The following ACSM3 variants were observed in gnomAD, a reference collection of about 807,000 sequenced individuals.
ACSM3 encodes the protein acyl-CoA synthetase medium chain family member 3, also known as acyl-coenzyme A synthetase ACSM3, mitochondrial.
A neutral mutation model predicts 74.1 loss-of-function variants in ACSM3; 61 were observed. The ratio of observed to expected loss-of-function variants is 0.82; its 90% CI spans 0.67 to 1.02. ACSM3 has a LOEUF of 1.02. Among genes scored for constraint, ACSM3 ranks in the 50% least tolerant of loss-of-function variants. ACSM3 has a pLI of 0.00. For missense variants in ACSM3, 660 were observed against 697.0 expected (o/e 0.95, Z 0.60); for synonymous variants, 213 against 241.5 (o/e 0.88, Z 1.09).
chr16:20,691,371 T>G, intron 1 of ACSM3: 1 of 521,826 alleles, frequency 1.9e-6, no homozygotes, highest in East Asian at 3.5e-5. Context: ...CACCCCTGAT[T>G]GATTTTGGTG....
chr16:20,760,700 C>T (rs571882622), upstream of ACSM3, among the ~76,000 whole-genome samples: 2 of 152,088 alleles, frequency 1.3e-5, no homozygotes, highest in East Asian at 3.9e-4. Flanking sequence ...TCTCTTTTAA[C>T]TTAAGTATAA....
chr16:20,754,154 T>C (rs2080010825), intron 2 of ACSM3, among the ~76,000 whole-genome samples: 1 of 152,182 alleles, frequency 6.6e-6, no homozygotes, highest in African/African-American at 2.4e-5. Flanking sequence ...CATTCTCTTC[T>C]GGCTTTTCTC....
chr16:20,787,983 TGTG>T (rs1187975222), intron 9 of ACSM3, among the ~76,000 whole-genome samples: 5 of 152,214 alleles, frequency 3.3e-5, no homozygotes, highest in African/African-American at 1.2e-4. Flanking sequence ...ATAGGTTTCT[TGTG>T]GTGATTAAAG....
At chr16:20,702,112 C>A (rs1281444730) in intron 1 of ACSM3, among the ~76,000 whole-genome samples, 1 of 152,146 alleles carries the variant, frequency 6.6e-6, no homozygotes, top group Non-Finnish European at 1.5e-5. Flanking sequence ...CTTGAGAAAT[C>A]CCCACACTGT....
chr16:20,722,719 T>C, intron 1 of ACSM3, among the ~76,000 whole-genome samples: 1 of 152,204 alleles, frequency 6.6e-6, no homozygotes, highest in Admixed American at 6.5e-5. Context: ...CTTGCAGCCC[T>C]GAGGAAGAAT....
At chr16:20,717,088 A>G (rs2079764547) in intron 1 of ACSM3, among the ~76,000 whole-genome samples, 1 of 152,234 alleles carries the variant, frequency 6.6e-6, no homozygotes, top group South Asian at 2.1e-4. Context: ...AAATTTATTC[A>G]TCTTCCTAAC....
chr16:20,740,134 T>C (rs2079904331), intron 1 of ACSM3, among the ~76,000 whole-genome samples: 1 of 152,238 alleles, frequency 6.6e-6, no homozygotes, highest in Non-Finnish European at 1.5e-5. Flanking sequence ...GGCTCATGCC[T>C]GTAATCCCAG....
chr16:20,740,652 G>A (rs941194504), intron 1 of ACSM3, among the ~76,000 whole-genome samples: 3 of 152,180 alleles, frequency 2.0e-5, no homozygotes, highest in Admixed American at 6.5e-5. Flanking sequence ...CAAGCTAGTA[G>A]AGGATGAGCC....
chr16:20,730,929 T>G (rs950953583), intron 1 of ACSM3, among the ~76,000 whole-genome samples: 8 of 152,168 alleles, frequency 5.3e-5, no homozygotes, highest in African/African-American at 1.9e-4. Context: ...GGTGCAGTTA[T>G]AGCTCACTGC....
intron 1 of ACSM3, among the ~76,000 whole-genome samples, chr16:20,686,143 A>C (rs775721309): frequency 2.6e-5 from 4 of 152,188 alleles, no homozygotes; most frequent in Non-Finnish European, 5.9e-5. Flanking sequence ...GTAAATGCTC[A>C]ATAAATATTA....
At chr16:20,765,949 T>C (rs1321385643) in intron 1 of ACSM3, among the ~76,000 whole-genome samples, 1 of 152,214 alleles carries the variant, frequency 6.6e-6, no homozygotes, top group African/African-American at 2.4e-5. Context: ...TTGTTTACTA[T>C]ATGTGTCTTT....
At chr16:20,788,487 T>C (rs2080523149) in intron 9 of ACSM3, among the ~76,000 whole-genome samples, 1 of 152,174 alleles carries the variant, frequency 6.6e-6, no homozygotes, top group Non-Finnish European at 1.5e-5. Flanking sequence ...GTACTTTTTC[T>C]GCATCCCCAG....
chr16:20,791,057 G>T (rs1016531574), intron 10 of ACSM3: 4 of 902,522 alleles, frequency 4.4e-6, no homozygotes, highest in East Asian at 2.6e-5. Context: ...CAGGGGATGC[G>T]GGGGTGGTGG....
chr16:20,781,013 T>C lies in ACSM3; in HGVS notation c.822T>C (p.Asn274=). 6.2e-7 allele frequency: 1 copy of C among 1,614,234 alleles called. No homozygotes were observed. The highest frequency in any genetic ancestry group is 8.5e-7 in the Non-Finnish European group (1 of 1,180,038). The change falls in exon 6 of 14, where the codon AAT becomes AAC. Residue 274 remains asparagine (N), a synonymous_variant. Transcript: ENST00000289416. ...TGACACCCTCAGATGTGATGTGGAA[T>C]ACCTCAGATACGGGCTGGGCAAAGT... The part of the protein sequence containing the change: ...LDLTPSDVMW[N]TSDTGWAKSA...
Position 20,770,264 on chromosome 16 carries a change from AG to A in ACSM3, c.219+14del, listed in dbSNP as rs754959991. Reference sequence around the variant, plus strand: ...ACTGATAAGGAAAAGGTATGGGGGGAGGGCCAGTCAGACCACAATTTCTCAA... The same window carrying A: ...ACTGATAAGGAAAAGGTATGGGGGGAGGCCAGTCAGACCACAATTTCTCAA... On this transcript the variant is annotated intron_variant, in intron 2 of 13. Coordinates refer to ENST00000289416, the MANE Select transcript of ACSM3 (RefSeq NM_005622.4). The A allele has an allele frequency of 1.2e-6, 2 of 1,604,122 alleles. No homozygotes were observed. Among genetic ancestry groups the A allele is most frequent in the Non-Finnish European group, 1.7e-6 (2 of 1,171,108 alleles).
chr16:20,687,557 A>C (rs973149624), intron 1 of ACSM3, among the ~76,000 whole-genome samples: 1 of 152,168 alleles, frequency 6.6e-6, no homozygotes, highest in African/African-American at 2.4e-5. Context: ...ACATAAAAAC[A>C]TAAAGCACAC....
chr16:20,678,146 C>A (rs896341103), intron 1 of ACSM3, among the ~76,000 whole-genome samples: 1 of 152,132 alleles, frequency 6.6e-6, no homozygotes, highest in African/African-American at 2.4e-5. Context: ...AAGCTACACT[C>A]CAAATGAAAG....
chr16:20,756,336 T>G (rs2080031270), intron 3 of ACSM3, among the ~76,000 whole-genome samples: 1 of 152,104 alleles, frequency 6.6e-6, no homozygotes, highest in Admixed American at 6.5e-5. Flanking sequence ...CTAACTGGTG[T>G]GAGATGGTAT....
chr16:20,775,872 T>G lies in ACSM3; in HGVS notation c.253T>G (p.Trp85Gly). Residue 85 changes from tryptophan (W) to glycine (G), a missense_variant, in exon 3 of 14, where the codon TGG becomes GGG. Coordinates refer to ENST00000289416, the MANE Select transcript of ACSM3 (RefSeq NM_005622.4). ...GAAACCTTCAAATCCAGCCTTCTGG[T>G]GGATCAACAGAAATGGAGAAGAGAT... ...GKKPSNPAFWWINRNGEEMRW... is the reference protein window; with the variant it reads ...GKKPSNPAFWGINRNGEEMRW... The G allele has an allele frequency of 1.9e-6, 3 of 1,614,162 alleles. No individual in the cohort carries two copies. The highest frequency in any genetic ancestry group is 2.5e-6 in the Non-Finnish European group (3 of 1,180,032).
Sources: allele counts gnomAD v4.1 joint callset (sites outside exome capture counted in the v4.1 genomes callset), GRCh38; gene constraint gnomAD v4.1.1; transcripts MANE v1.5; gene names NCBI Gene and HGNC (gene_info 2026-07-23, HGNC 2026-07-21).